PTPRG: variants seen among roughly 807,000 people sequenced by gnomAD.
PTPRG encodes protein tyrosine phosphatase receptor type G, also known as receptor-type tyrosine-protein phosphatase gamma.
Under a neutral mutation model 165.3 loss-of-function variants are expected in PTPRG, and 102 were observed. The observed-to-expected ratio is 0.62, with a 90% confidence interval of 0.53 to 0.73. The LOEUF is 0.73. Ranked by LOEUF, PTPRG falls within the 30% of genes least tolerant of loss-of-function variation. The probability of loss-of-function intolerance (pLI) is 0.00; values close to 1 mark genes in which losing one functional copy is unlikely to be tolerated. For synonymous variants in PTPRG, 675 were observed against 669.5 expected, an observed-to-expected ratio of 1.01 and a Z score of -0.13; for missense variants, 1,866 against 1,861.4, an observed-to-expected ratio of 1.00 and a Z score of -0.05.
At chr3:62,098,067 T>G (rs1702174774) in intron 5 of PTPRG, among the ~76,000 whole-genome samples, 1 of 152,220 alleles carries the variant, frequency 6.6e-6, no homozygotes, top group African/African-American at 2.4e-5. Context: ...TTAGAATGAT[T>G]GCATGACTGA....
At chr3:61,795,827 C>G (rs941539852) in intron 2 of PTPRG, among the ~76,000 whole-genome samples, 4 of 151,986 alleles carry the variant, frequency 2.6e-5, no homozygotes, top group African/African-American at 9.7e-5. Context: ...TCTCCCCACC[C>G]CCATTACAAA....
intron 6 of PTPRG, among the ~76,000 whole-genome samples, chr3:62,150,438 C>G (rs1193310581): frequency 6.6e-6 from 1 of 152,222 alleles, no homozygotes; most frequent in Non-Finnish European, 1.5e-5. Flanking sequence ...AATCTCAGCT[C>G]TCATCCCAGA....
chr3:61,577,867 G>A (rs1321914051), intron 1 of PTPRG, among the ~76,000 whole-genome samples: 1 of 152,236 alleles, frequency 6.6e-6, no homozygotes, highest in Non-Finnish European at 1.5e-5. Flanking sequence ...TCTCCTAGAA[G>A]ATACTGCCTC....
At chr3:62,037,824 G>A (rs1395890149) in intron 4 of PTPRG, among the ~76,000 whole-genome samples, 2 of 152,176 alleles carry the variant, frequency 1.3e-5, no homozygotes, top group African/African-American at 4.8e-5. Flanking sequence ...GAGACAGCAA[G>A]TTCTTTGCTG....
intron 17 of PTPRG, among the ~76,000 whole-genome samples, chr3:62,265,896 T>TACACACACACCCACACACAC: frequency 7.7e-6 from 1 of 130,612 alleles, no homozygotes; most frequent in Middle Eastern, 4.0e-3. Flanking sequence ...GTGCCTTATA[T>TACACACACACCCACACACAC]ACACACACAC....
At chr3:61,882,253 A>G (rs1314010141) in intron 2 of PTPRG, among the ~76,000 whole-genome samples, 1 of 152,218 alleles carries the variant, frequency 6.6e-6, no homozygotes, top group Non-Finnish European at 1.5e-5. Context: ...ACACAATTCC[A>G]GTGACTAGTT....
intron 6 of PTPRG, among the ~76,000 whole-genome samples, chr3:62,152,299 G>C (rs984219278): frequency 1.3e-5 from 2 of 152,070 alleles, no homozygotes. Context: ...TTGAGCCCAG[G>C]AGTTCAAGGT....
rs1361110762 is a variant in PTPRG, at chr3:61,643,271, GAGAGAA to G, written c.85+80905_85+80910del. 4.0e-5 allele frequency among the ~76,000 whole-genome samples: 6 copies of G among 150,508 alleles called. No individual in the cohort carries two copies. The East Asian group carries it at 8.1e-4, about 20-fold the overall frequency. On this transcript the variant is annotated intron_variant, in intron 1 of 29. Transcript: ENST00000474889. ...AAGACCCCATCTGGGGAGAGAGAGA[GAGAGAA>G]AGAGAGAGAGAGAGAGACAGAGACA...
intron 26 of PTPRG, among the ~76,000 whole-genome samples, chr3:62,279,116 T>G (rs762693965): frequency 1.8e-4 from 27 of 152,160 alleles, no homozygotes; most frequent in Non-Finnish European, 2.6e-4. Context: ...ATTGCACAGT[T>G]TTTCCTAAAG....
chr3:62,072,501 T>C (rs1187917438), intron 4 of PTPRG, among the ~76,000 whole-genome samples: 1 of 152,144 alleles, frequency 6.6e-6, no homozygotes, highest in African/African-American at 2.4e-5. Flanking sequence ...CTTACGACTT[T>C]GAAAAATTTG....
chr3:62,069,985 A>C (rs2106724187), intron 4 of PTPRG, among the ~76,000 whole-genome samples: 1 of 152,354 alleles, frequency 6.6e-6, no homozygotes, highest in South Asian at 2.1e-4. Flanking sequence ...TTCACAAAAA[A>C]TAACAATGAT....
intron 2 of PTPRG, among the ~76,000 whole-genome samples, chr3:61,842,899 C>T (rs2036682836): frequency 6.6e-6 from 1 of 152,098 alleles, no homozygotes; most frequent in Non-Finnish European, 1.5e-5. Flanking sequence ...TAAGAACAAA[C>T]TTTTATTCTG....
intron 8 of PTPRG, among the ~76,000 whole-genome samples, chr3:62,172,429 T>C (rs1391803282): frequency 6.6e-6 from 1 of 152,224 alleles, no homozygotes; most frequent in Non-Finnish European, 1.5e-5. Context: ...GCATCTCTTT[T>C]ATTTTCACCA....
chr3:61,659,438 G>A, intron 1 of PTPRG: 1 of 985,356 alleles, frequency 1.0e-6, no homozygotes, highest in Non-Finnish European at 1.2e-6. Context: ...AAGTGAAAAA[G>A]CCTTTGCAGG....
chr3:62,192,865 C>T (rs974865341), intron 9 of PTPRG, among the ~76,000 whole-genome samples: 1 of 152,212 alleles, frequency 6.6e-6, no homozygotes, highest in Non-Finnish European at 1.5e-5. Context: ...AAGTGGGATT[C>T]TTAATGACTG....
At chr3:62,095,416 G>C (rs538736928) in intron 5 of PTPRG, among the ~76,000 whole-genome samples, 30 of 152,294 alleles carry the variant, frequency 2.0e-4, no homozygotes, top group African/African-American at 7.2e-4. Flanking sequence ...CAGTAGAGGA[G>C]ATCACGTACC....
chr3:61,849,887 C>T (rs1035601648), intron 2 of PTPRG, among the ~76,000 whole-genome samples: 3 of 152,164 alleles, frequency 2.0e-5, no homozygotes, highest in Admixed American at 6.5e-5. Flanking sequence ...GCTGAGTTGA[C>T]TTAAGAGGAG....
intron 3 of PTPRG, among the ~76,000 whole-genome samples, chr3:62,000,326 A>G (rs1434300612): frequency 2.0e-5 from 3 of 152,002 alleles, no homozygotes; most frequent in Admixed American, 2.0e-4. Flanking sequence ...ATAGACTCCA[A>G]ATGGTATCTT....
intron 16 of PTPRG, among the ~76,000 whole-genome samples, chr3:62,257,517 C>T (rs1701566005): frequency 6.6e-6 from 1 of 152,110 alleles, no homozygotes; most frequent in African/African-American, 2.4e-5. Flanking sequence ...CTTATTGTCC[C>T]CATTTTACTG....
Sources: gnomAD v4.1 joint callset for allele counts (sites outside exome capture counted in the v4.1 genomes callset) on GRCh38, gnomAD v4.1.1 for gene constraint, MANE v1.5 for transcripts, NCBI Gene and HGNC (gene_info 2026-07-23, HGNC 2026-07-21) for gene names.